Variants in CACUL1 observed in about 807,000 individuals in gnomAD.
CACUL1 encodes CDK2-associated and cullin domain-containing protein 1.
A neutral mutation model predicts 45.2 loss-of-function variants in CACUL1; 13 were observed. The observed-to-expected ratio is 0.29, with a 90% CI of 0.19 to 0.46. CACUL1 has a LOEUF of 0.46. CACUL1 is among the 20% of genes least tolerant of loss of function. CACUL1 has a pLI of 1.00. For missense variants in CACUL1, 421 were observed against 471.4 expected, an observed-to-expected ratio of 0.89 and a Z score of 0.99; for synonymous variants, 197 against 174.2, an observed-to-expected ratio of 1.13 and a Z score of -1.03.
intron 1 of CACUL1, among the ~76,000 whole-genome samples, chr10:118,746,890 T>C (rs1353230161): frequency 6.6e-6 from 1 of 152,170 alleles, no homozygotes; most frequent in African/African-American, 2.4e-5. Flanking sequence ...TACGATTCTC[T>C]AGAACAGGGG....
At chr10:118,716,605 C>CTTTTTT (rs61613528) in intron 3 of CACUL1, among the ~76,000 whole-genome samples, 2 of 139,856 alleles carry the variant, frequency 1.4e-5, no homozygotes, top group Non-Finnish European at 3.1e-5. Flanking sequence ...AACACAACCT[C>CTTTTTT]TTTTTTTTTT....
At chr10:118,716,887 C>T (rs112509298) in intron 3 of CACUL1, among the ~76,000 whole-genome samples, 3,533 of 152,270 alleles carry the variant, frequency 0.023, 136 homozygotes, top group African/African-American at 0.081. Flanking sequence ...CAGACGTGAG[C>T]CAACGAGCCC....
intron 1 of CACUL1, among the ~76,000 whole-genome samples, chr10:118,740,804 T>TA (rs1198361100): frequency 6.6e-6 from 1 of 151,264 alleles, no homozygotes; most frequent in African/African-American, 2.4e-5. Context: ...CAGGCGCCTG[T>TA]AGTCCTAGCT....
chr10:118,684,448 CCTGT>C lies in CACUL1; in HGVS notation c.*1676_*1679del, dbSNP rs1279943366. The C allele has an allele frequency of 6.6e-6, 1 of 152,204 alleles. No homozygotes were observed. The highest frequency in any genetic ancestry group is 2.4e-5 in the African/African-American group (1 of 41,446). 9.4% of individuals were successfully genotyped at this position (152,204 alleles called of 1,614,324 possible). A position where few individuals can be genotyped will look rare whatever the true frequency, so the allele number is the denominator to read the frequency against. ...TAAACTGTCCAGGTCATAGTGAGAG[CCTGT>C]CTATGTTCTTACAGTAATTCAGTGT... On this transcript the variant is annotated 3_prime_UTR_variant, in exon 9 of 9. Transcript: ENST00000369151.
intron 3 of CACUL1, among the ~76,000 whole-genome samples, chr10:118,714,784 A>C (rs1345150372): frequency 6.6e-6 from 1 of 152,172 alleles, no homozygotes; most frequent in East Asian, 1.9e-4. Flanking sequence ...AAAATTAATA[A>C]TTTTCTCTGT....
At chr10:118,686,189 GA>G in intron 8 of CACUL1, 21 bp from the exon 9 acceptor site, 1 of 1,600,274 alleles carries the variant, frequency 6.2e-7, no homozygotes, top group Non-Finnish European at 8.6e-7. Context: ...ATCAGAATAG[GA>G]AAAAGTATGA....
intron 4 of CACUL1, among the ~76,000 whole-genome samples, chr10:118,705,314 T>C (rs573452805): frequency 6.6e-6 from 1 of 152,310 alleles, no homozygotes; most frequent in South Asian, 2.1e-4. Context: ...GCCATCTCTT[T>C]GAGACTCTGT....
intron 3 of CACUL1, among the ~76,000 whole-genome samples, chr10:118,709,001 A>G (rs1289171298): frequency 6.6e-6 from 1 of 152,178 alleles, no homozygotes; most frequent in African/African-American, 2.4e-5. Flanking sequence ...CGTCCCCCCA[A>G]ATTTAACTAC....
chr10:118,701,271 A>T, intron 5 of CACUL1, 35 bp downstream of exon 5: 1 of 1,123,686 alleles, frequency 8.9e-7, no homozygotes, highest in Non-Finnish European at 1.3e-6. Context: ...GATCATTGCT[A>T]GTGTTATCTC....
At chr10:118,742,377 C>T (rs532705035) in intron 1 of CACUL1, among the ~76,000 whole-genome samples, 1 of 152,300 alleles carries the variant, frequency 6.6e-6, no homozygotes, top group South Asian at 2.1e-4. Flanking sequence ...ATATGGTCTA[C>T]GGTTTACAGA....
At chr10:118,689,445 A>G (rs1458895605) in intron 7 of CACUL1, among the ~76,000 whole-genome samples, 2 of 152,224 alleles carry the variant, frequency 1.3e-5, no homozygotes, top group Non-Finnish European at 2.9e-5. Context: ...GTTTGTAAAA[A>G]CATTTTATCA....
Position 118,754,626 on chromosome 10 carries a change from G to C in CACUL1, c.137C>G (p.Pro46Arg), listed in dbSNP as rs561279789. The C allele has an allele frequency of 2.5e-6, 4 of 1,607,712 alleles. No individual in the cohort carries two copies. The highest frequency in any genetic ancestry group is 2.7e-5 in the African/African-American group (2 of 74,398). Residue 46 changes from proline (P) to arginine (R), a missense_variant, in exon 1 of 9, where the codon CCG becomes CGG. Pro to Arg is a moderately radical substitution (Grantham distance 103). Coordinates refer to ENST00000369151, the MANE Select transcript of CACUL1 (RefSeq NM_153810.5). ...LPPPPPPSSIPAPAREPPGGQ... is the reference protein window; with the variant it reads ...LPPPPPPSSIRAPAREPPGGQ... ...CCCCGGAGGCTCTCGGGCAGGGGCCGGGATCGACGAGGGGGGCGGCGGAGG... is the reference window on the plus strand; with the variant it reads ...CCCCGGAGGCTCTCGGGCAGGGGCCCGGATCGACGAGGGGGGCGGCGGAGG...
intron 5 of CACUL1, among the ~76,000 whole-genome samples, chr10:118,697,812 A>G (rs1416311911): frequency 6.6e-6 from 1 of 152,232 alleles, no homozygotes; most frequent in African/African-American, 2.4e-5. Context: ...TCTATCATTA[A>G]TTAACCCCAT....
intron 1 of CACUL1, among the ~76,000 whole-genome samples, chr10:118,736,492 C>T (rs757569516): frequency 4.6e-5 from 7 of 151,674 alleles, no homozygotes; most frequent in Non-Finnish European, 8.8e-5. Context: ...CTCAAGTGAT[C>T]CTCCCAACTC....
At position 118,728,691 on chromosome 10, in the gene CACUL1, AACC is replaced by A. The variant is rs533598269; in HGVS notation, c.597+601_597+603del. The stretch of plus-strand genomic sequence containing the variant: ...TTCTGTCATTATTTTCAAAGGCAAA[AACC>A]ACAATTCCTTTTGCACCAACTTAAT... On this transcript the variant is annotated intron_variant, in intron 3 of 8. Transcript: ENST00000369151. Among the ~76,000 whole-genome samples the A allele has an allele frequency of 6.8e-4, 104 of 152,322 alleles. 2 individuals are homozygous for A. Among genetic ancestry groups the A allele is most frequent in the African/African-American group, 2.4e-3 (98 of 41,568 alleles).
intron 6 of CACUL1, among the ~76,000 whole-genome samples, chr10:118,694,264 GCCAT>G (rs1271257542): frequency 6.6e-6 from 1 of 152,132 alleles, no homozygotes; most frequent in African/African-American, 2.4e-5. Flanking sequence ...AAGCAAACAA[GCCAT>G]CAATTAATTA....
Position 118,754,436 on chromosome 10 carries a change from G to A in CACUL1, c.327C>T (p.Ala109=), listed in dbSNP as rs1300750695. Residue 109 remains alanine (A), a synonymous_variant, in exon 1 of 9, where the codon GCC becomes GCT. Transcript: ENST00000369151. ...AGGTGTTGATGTTGATGGTGGAGCT[G>A]GCGGTGGGGGCGGGGGCCGCCTTGG... ...AVAKAAPAPT[A]SSTININTST... The A allele has an allele frequency of 8.8e-6, 14 of 1,590,318 alleles. No individual in the cohort carries two copies. The highest frequency in any genetic ancestry group is 1.1e-5 in the Non-Finnish European group (13 of 1,170,258).
intron 3 of CACUL1, among the ~76,000 whole-genome samples, chr10:118,710,218 A>AC (rs1353495685): frequency 6.6e-6 from 1 of 151,618 alleles, no homozygotes; most frequent in African/African-American, 2.4e-5. Flanking sequence ...GAGCCACCAC[A>AC]CCCAGCGCAT....
At position 118,690,821 on chromosome 10, in the gene CACUL1, G is replaced by A. The variant is rs575908354; in HGVS notation, c.1025+444C>T. Among the ~76,000 whole-genome samples the A allele has an allele frequency of 6.6e-5, 10 of 152,286 alleles. No homozygotes were observed. The South Asian group carries it at 1.2e-3, about 19-fold the overall frequency. On this transcript the variant is annotated intron_variant, in intron 7 of 8. Coordinates refer to ENST00000369151, the MANE Select transcript of CACUL1 (RefSeq NM_153810.5). ...AGCACTTTGGGAGGCCTAGGCAGGC[G>A]GATCACTTGAGGTCAGGAGTTTGAA...
Sources: gnomAD v4.1 joint callset for allele counts (sites outside exome capture counted in the v4.1 genomes callset) on GRCh38, gnomAD v4.1.1 for gene constraint, MANE v1.5 for transcripts, NCBI Gene and HGNC (gene_info 2026-07-23, HGNC 2026-07-21) for gene names.